Variants in OCA2 observed in about 807,000 individuals in gnomAD.
OCA2 encodes the protein OCA2 melanosomal transmembrane protein, also known as P protein.
A neutral mutation model predicts 100.2 loss-of-function variants in OCA2; 77 were observed. The observed-to-expected ratio is 0.77, with a 90% confidence interval of 0.64 to 0.93. OCA2 has a LOEUF of 0.93. OCA2 is among the 40% of genes least tolerant of loss of function. The pLI, the probability that OCA2 is intolerant of heterozygous loss-of-function variation, is 0.00. For synonymous variants in OCA2, 432 were observed against 439.2 expected, an observed-to-expected ratio of 0.98 and a Z score of 0.21; for missense variants, 1,062 against 1,089.1, an observed-to-expected ratio of 0.98 and a Z score of 0.35.
the OCA2 span, among the ~76,000 whole-genome samples, chr15:27,746,138 C>T: frequency 1.3e-5 from 2 of 152,190 alleles, no homozygotes; most frequent in Non-Finnish European, 1.5e-5. Flanking sequence ...CATTTTACAG[C>T]GTTTCACTCT....
At chr15:27,783,516 A>G (rs2032651712) in intron 23 of OCA2, among the ~76,000 whole-genome samples, 1 of 152,180 alleles carries the variant, frequency 6.6e-6, no homozygotes, top group Admixed American at 6.5e-5. Context: ...GATTAACCTG[A>G]AATATGAAGA....
intron 2 of OCA2, among the ~76,000 whole-genome samples, chr15:28,041,907 G>A (rs967095613): frequency 6.6e-6 from 1 of 152,110 alleles, no homozygotes; most frequent in Non-Finnish European, 1.5e-5. Flanking sequence ...TAGATAGAAA[G>A]AGTGAATGTG....
At chr15:27,969,257 G>A (rs1567172086) in intron 14 of OCA2, among the ~76,000 whole-genome samples, 1 of 152,134 alleles carries the variant, frequency 6.6e-6, no homozygotes, top group Non-Finnish European at 1.5e-5. Context: ...GGAGGTCCTG[G>A]GTGTGCGTCC....
At chr15:27,997,082 G>GAGAGAAAGAA (rs1555370282) in intron 9 of OCA2, among the ~76,000 whole-genome samples, 8 of 124,470 alleles carry the variant, frequency 6.4e-5, no homozygotes, top group South Asian at 5.0e-4. Flanking sequence ...GGGAGAAAGA[G>GAGAGAAAGAA]AGAGAAAGAA....
intron 4 of OCA2, among the ~76,000 whole-genome samples, chr15:28,026,692 T>C (rs2042757968): frequency 1.3e-5 from 2 of 152,134 alleles, no homozygotes; most frequent in African/African-American, 4.8e-5. Context: ...TGGGAAGATG[T>C]ATAGGATAGC....
chr15:27,909,654 T>C (rs1479416865), intron 19 of OCA2, among the ~76,000 whole-genome samples: 3 of 152,150 alleles, frequency 2.0e-5, no homozygotes, highest in Non-Finnish European at 4.4e-5. Context: ...GGAGTACAAG[T>C]GTCCAGTTTA....
rs1364696714 is a variant in OCA2, at chr15:28,059,563, A to G, written c.227+22085T>C. On this transcript the variant is annotated intron_variant, in intron 2 of 23. Coordinates refer to ENST00000354638, the MANE Select transcript of OCA2 (RefSeq NM_000275.3). ...CTCAGAAATAGTAATAATAATAATC[A>G]TCATCATCATAAGACAAATCTAAAT... is the stretch of plus-strand genomic sequence containing the variant. 3.9e-5 allele frequency among the ~76,000 whole-genome samples: 6 copies of G among 152,300 alleles called. No homozygotes were observed. The East Asian group carries it at 1.2e-3, about 29-fold the overall frequency.
At position 27,771,695 on chromosome 15, in the gene OCA2, AT is replaced by A. The variant is rs534942092; in HGVS notation, c.2433-16224del. On this transcript the variant is annotated intron_variant, in intron 23 of 23. Transcript: ENST00000354638. ...AAATCACCCATTGTGTGAAATCTGTATTTTTTTTATCAGCATGTAATCGTCT... is the reference window on the plus strand; with the variant it reads ...AAATCACCCATTGTGTGAAATCTGTATTTTTTTATCAGCATGTAATCGTCT... Among the ~76,000 whole-genome samples the A allele has an allele frequency of 3.0e-3, 459 of 152,168 alleles. 5 individuals are homozygous for A. Among genetic ancestry groups the A allele is most frequent in the African/African-American group, 8.5e-3 (355 of 41,522 alleles).
chr15:27,844,079 C>T (rs901146243), intron 23 of OCA2, among the ~76,000 whole-genome samples: 2 of 152,170 alleles, frequency 1.3e-5, no homozygotes, highest in Non-Finnish European at 2.9e-5. Context: ...CTCCATTCTG[C>T]CCCCTCACCT....
At chr15:28,084,593 G>A (rs372199875) in intron 1 of OCA2, among the ~76,000 whole-genome samples, 35 of 152,208 alleles carry the variant, frequency 2.3e-4, no homozygotes, top group African/African-American at 7.2e-4. Context: ...GCTCAACTGG[G>A]TTGTCTGCTT....
intron 18 of OCA2, among the ~76,000 whole-genome samples, chr15:27,929,560 C>A (rs562176655): frequency 6.6e-6 from 1 of 151,988 alleles, no homozygotes; most frequent in Non-Finnish European, 1.5e-5. Flanking sequence ...AGGAAAAAAT[C>A]TCTGACCCTG....
At chr15:28,076,804 G>A (rs552876165) in intron 2 of OCA2, among the ~76,000 whole-genome samples, 136 of 136,594 alleles carry the variant, frequency 1.0e-3, no homozygotes, top group African/African-American at 1.7e-3. Context: ...CCGAGATTGC[G>A]CCACTGCAGT....
intron 23 of OCA2, among the ~76,000 whole-genome samples, chr15:27,785,278 C>T (rs150131041): frequency 2.4e-4 from 36 of 152,156 alleles, no homozygotes; most frequent in East Asian, 1.5e-3. Flanking sequence ...TAGGTATGTA[C>T]GCAAAAGAAC....
intron 8 of OCA2, among the ~76,000 whole-genome samples, chr15:28,015,727 G>A (rs547562698): frequency 1.6e-4 from 24 of 152,264 alleles, no homozygotes; most frequent in African/African-American, 5.1e-4. Flanking sequence ...ACTATGATAC[G>A]GCAGCCTTAG....
At chr15:27,983,606 T>C (rs2041244220) in intron 13 of OCA2, 123 bp from the exon 14 acceptor site, 4 of 1,019,214 alleles carry the variant, frequency 3.9e-6, no homozygotes, top group South Asian at 1.3e-5. Context: ...CACACACCCC[T>C]GTGGGGAAGG....
chr15:28,010,487 G>C lies in OCA2; in HGVS notation c.1044+4289C>G, dbSNP rs192650364. On this transcript the variant is annotated intron_variant, in intron 9 of 23. Coordinates refer to ENST00000354638, the MANE Select transcript of OCA2 (RefSeq NM_000275.3). Reference sequence around the variant, plus strand: ...AATAATTTTATTTTTTAAAAACTCTGAGAAGTAATAGGTAAATTCAATAAA... The same window carrying C: ...AATAATTTTATTTTTTAAAAACTCTCAGAAGTAATAGGTAAATTCAATAAA... Among the ~76,000 whole-genome samples, 1,501 of 152,204 alleles carry C rather than the reference G, an allele frequency of 9.9e-3. 23 individuals are homozygous for C. The highest frequency in any genetic ancestry group is 0.034 in the African/African-American group (1,424 of 41,484).
intron 22 of OCA2, among the ~76,000 whole-genome samples, chr15:27,849,042 C>G (rs749432412): frequency 6.6e-6 from 1 of 151,446 alleles, no homozygotes; most frequent in Non-Finnish European, 1.5e-5. Flanking sequence ...CACGTGCTGT[C>G]TGGATTGATC....
At chr15:27,893,535 C>T (rs991146662) in intron 19 of OCA2, among the ~76,000 whole-genome samples, 7 of 152,124 alleles carry the variant, frequency 4.6e-5, no homozygotes, top group African/African-American at 1.7e-4. Flanking sequence ...AAATTCTTTT[C>T]CTAGCAAGGA....
chr15:27,738,795 G>A, the OCA2 span, among the ~76,000 whole-genome samples: 8 of 152,152 alleles, frequency 5.3e-5, no homozygotes, highest in South Asian at 1.7e-3. Context: ...AAAGCATACA[G>A]GGAATGGGTT....
Sources: allele counts gnomAD v4.1 joint callset (sites outside exome capture counted in the v4.1 genomes callset), GRCh38; gene constraint gnomAD v4.1.1; transcripts MANE v1.5; gene names NCBI Gene and HGNC (gene_info 2026-07-23, HGNC 2026-07-21).